CCDC102B: variants seen among roughly 807,000 people sequenced by gnomAD.
CCDC102B encodes coiled-coil domain-containing protein 102B.
CCDC102B carries 75 observed loss-of-function variants against 57.4 expected under a neutral mutation model. That is an observed-to-expected ratio of 1.31 (90% CI 1.08 to 1.58). The LOEUF (loss-of-function observed/expected upper bound fraction) is 1.58. Among genes scored for constraint, CCDC102B ranks in the 40% most tolerant of loss-of-function variants. The pLI is 0.00. For synonymous variants in CCDC102B, 206 were observed against 201.9 expected, an observed-to-expected ratio of 1.02 and a Z score of -0.17; for missense variants, 636 against 582.6, an observed-to-expected ratio of 1.09 and a Z score of -0.94.
At chr18:68,737,733 A>T (rs1181314890) in intron 2 of CCDC102B, among the ~76,000 whole-genome samples, 1 of 152,082 alleles carries the variant, frequency 6.6e-6, no homozygotes, top group Admixed American at 6.6e-5. Context: ...CTGTTTCTTC[A>T]TGATTACAGT....
intron 6 of CCDC102B, among the ~76,000 whole-genome samples, chr18:69,003,220 ATAAAT>A (rs2051253141): frequency 6.6e-6 from 1 of 152,236 alleles, no homozygotes; most frequent in Non-Finnish European, 1.5e-5. Flanking sequence ...ATTTAAGAGA[ATAAAT>A]TAGGATTTTT....
intron 6 of CCDC102B, among the ~76,000 whole-genome samples, chr18:68,969,294 C>T (rs980978895): frequency 6.6e-5 from 10 of 152,148 alleles, no homozygotes; most frequent in Admixed American, 3.3e-4. Flanking sequence ...CCAGGGCTCC[C>T]GCTAGGCTTT....
At chr18:68,961,152 G>T (rs1012333842) in intron 6 of CCDC102B, among the ~76,000 whole-genome samples, 1 of 152,016 alleles carries the variant, frequency 6.6e-6, no homozygotes, top group African/African-American at 2.4e-5. Context: ...ATGTTCCCAT[G>T]AATTTAAATT....
At position 68,892,929 on chromosome 18, in the gene CCDC102B, C is replaced by T. The variant is rs1411754469; in HGVS notation, c.1054-4290C>T. On this transcript the variant is annotated intron_variant, in intron 5 of 7. Coordinates refer to ENST00000360242, the MANE Select transcript of CCDC102B (RefSeq NM_024781.3). Reference sequence around the variant, plus strand: ...CAATTACAGGGAGTGTAGTTGAACCCAGCTGCTACCTTCTGAATATTTGCA... The same window carrying T: ...CAATTACAGGGAGTGTAGTTGAACCTAGCTGCTACCTTCTGAATATTTGCA... 2.0e-5 allele frequency among the ~76,000 whole-genome samples: 3 copies of T among 152,156 alleles called. No individual in the cohort carries two copies. In the East Asian group the frequency reaches 5.8e-4, roughly 29 times the overall value.
intron 7 of CCDC102B, among the ~76,000 whole-genome samples, chr18:69,044,209 G>A (rs2052502785): frequency 6.6e-6 from 1 of 152,148 alleles, no homozygotes; most frequent in Admixed American, 6.6e-5. Flanking sequence ...GAGGTTAAGA[G>A]TTTGAGGTTG....
intron 4 of CCDC102B, among the ~76,000 whole-genome samples, chr18:68,852,799 A>G (rs1286028506): frequency 2.0e-5 from 3 of 152,076 alleles, no homozygotes; most frequent in Non-Finnish European, 4.4e-5. Context: ...TTTATTTTTA[A>G]TTTTGTTTTT....
At chr18:68,878,179 C>T (rs2039524454) in intron 5 of CCDC102B, among the ~76,000 whole-genome samples, 1 of 152,158 alleles carries the variant, frequency 6.6e-6, no homozygotes, top group Non-Finnish European at 1.5e-5. Context: ...TCACTGCAAC[C>T]TCTGCCTCCT....
intron 5 of CCDC102B, among the ~76,000 whole-genome samples, chr18:68,881,747 C>G (rs1240402696): frequency 6.6e-6 from 1 of 152,088 alleles, no homozygotes; most frequent in Non-Finnish European, 1.5e-5. Context: ...GACTTAGCTT[C>G]TATAATTTCA....
chr18:68,760,057 C>T lies in CCDC102B; in HGVS notation c.-67+43463C>T, dbSNP rs181864347. On this transcript the variant is annotated intron_variant, in intron 2 of 3. Coordinates refer to the CCDC102B transcript ENST00000578970. ...GTTAGTCTCCCTCTGCCAAATTGTC[C>T]TTCCTTCTCCATTCTACAGGTGTGA... is the stretch of plus-strand genomic sequence containing the variant. Among the ~76,000 whole-genome samples the T allele has an allele frequency of 2.9e-3, 435 of 152,130 alleles. 1 individual carries two copies. Among genetic ancestry groups the T allele is most frequent in the African/African-American group, 0.01 (417 of 41,510 alleles).
chr18:68,845,770 T>C (rs1275747911), intron 3 of CCDC102B, among the ~76,000 whole-genome samples: 1 of 151,868 alleles, frequency 6.6e-6, no homozygotes. Flanking sequence ...ATTTCAGTCC[T>C]TTAGAATAAT....
chr18:68,961,619 G>A (rs2050050188), intron 6 of CCDC102B, among the ~76,000 whole-genome samples: 1 of 151,982 alleles, frequency 6.6e-6, no homozygotes, highest in South Asian at 2.1e-4. Flanking sequence ...CCTATAAAAT[G>A]TCATGGTATT....
chr18:69,016,158 C>T (rs947993080), intron 7 of CCDC102B, among the ~76,000 whole-genome samples: 1 of 151,496 alleles, frequency 6.6e-6, no homozygotes, highest in East Asian at 2.0e-4. Context: ...CCACCGCGCC[C>T]GGCCAATTTA....
chr18:69,036,943 G>A (rs2052308497), intron 7 of CCDC102B, among the ~76,000 whole-genome samples: 1 of 151,846 alleles, frequency 6.6e-6, no homozygotes, highest in Non-Finnish European at 1.5e-5. Flanking sequence ...AAAAACAGGT[G>A]ATATATGACA....
chr18:69,011,961 A>G (rs942760525), intron 7 of CCDC102B, among the ~76,000 whole-genome samples: 1 of 152,190 alleles, frequency 6.6e-6, no homozygotes, highest in Non-Finnish European at 1.5e-5. Flanking sequence ...AACAATTCCA[A>G]TCAAGCAAAC....
chr18:68,956,358 A>AATATATATAT (rs2049854739), intron 6 of CCDC102B, among the ~76,000 whole-genome samples: 6 of 58,352 alleles, frequency 1.0e-4, no homozygotes, highest in African/African-American at 2.6e-4. Flanking sequence ...ATTAATATAT[A>AATATATATAT]TAATATATAT....
At chr18:68,906,304 G>T (rs1268651399) in intron 6 of CCDC102B, among the ~76,000 whole-genome samples, 2 of 151,584 alleles carry the variant, frequency 1.3e-5, no homozygotes, top group East Asian at 2.0e-4. Context: ...TGTATTATTT[G>T]AATATCTGTT....
chr18:68,724,971 A>G (rs978469769), intron 2 of CCDC102B, among the ~76,000 whole-genome samples: 2 of 152,170 alleles, frequency 1.3e-5, no homozygotes, highest in African/African-American at 4.8e-5. Context: ...GGTTTAATTG[A>G]CTCACAATTC....
chr18:69,037,777 G>C (rs1483855401), intron 7 of CCDC102B, among the ~76,000 whole-genome samples: 3 of 152,038 alleles, frequency 2.0e-5, no homozygotes, highest in African/African-American at 7.2e-5. Context: ...AGAGAAGACA[G>C]TAAATTGGAT....
intron 6 of CCDC102B, among the ~76,000 whole-genome samples, chr18:68,998,696 G>C (rs181542418): frequency 1.3e-5 from 2 of 151,592 alleles, no homozygotes; most frequent in Admixed American, 1.3e-4. Context: ...AGCTTTCAAG[G>C]GCAGGAAGCA....
Sources: gnomAD v4.1 joint callset for allele counts (sites outside exome capture counted in the v4.1 genomes callset) on GRCh38, gnomAD v4.1.1 for gene constraint, MANE v1.5 for transcripts, NCBI Gene and HGNC (gene_info 2026-07-23, HGNC 2026-07-21) for gene names.